DNAH11: variants seen among roughly 807,000 people sequenced by gnomAD.
DNAH11 encodes the protein axonemal beta dynein heavy chain 11.
A neutral mutation model predicts 526.0 loss-of-function variants in DNAH11; 442 were observed. That is an observed-to-expected ratio of 0.84 (90% CI 0.78 to 0.91). The LOEUF is 0.91. Ranked by LOEUF, DNAH11 falls within the 40% of genes least tolerant of loss-of-function variation. The probability of loss-of-function intolerance (pLI) is 0.00; values close to 1 mark genes in which losing one functional copy is unlikely to be tolerated. For synonymous variants in DNAH11, 2,461 were observed against 1,935.9 expected (o/e 1.27, Z -7.12); for missense variants, 6,989 against 5,448.7 (o/e 1.28, Z -8.90).
chr7:21,681,577 T>TGTCG lies in DNAH11; in HGVS notation c.5361_5362insTCGG (p.Leu1788SerfsTer61). ...CAGCTGAATACACTGATTACACTTT[T>TGTCG]GCTGGGAGAACTTCCACCTGGAGAC... On this transcript the variant is annotated frameshift_variant, in exon 31 of 82. Transcript: ENST00000409508. LOFTEE classifies it high-confidence loss of function. 6.2e-7 allele frequency: 1 copy of TGTCG among 1,613,930 alleles called. No individual in the cohort carries two copies. The highest frequency in any genetic ancestry group is 8.5e-7 in the Non-Finnish European group (1 of 1,179,818).
intron 5 of DNAH11, among the ~76,000 whole-genome samples, chr7:21,562,228 G>A (rs987055739): frequency 1.3e-5 from 2 of 151,998 alleles, no homozygotes; most frequent in Non-Finnish European, 2.9e-5. Flanking sequence ...TGTTGTGGGG[G>A]GCCATCTTAC....
intron 68 of DNAH11, among the ~76,000 whole-genome samples, chr7:21,858,759 C>G (rs375631540): frequency 6.6e-6 from 1 of 152,092 alleles, no homozygotes; most frequent in Non-Finnish European, 1.5e-5. Flanking sequence ...AGAACTTTTT[C>G]TGGTAATGTA....
In DNAH11 at chr7:21,601,638, A is replaced by T; in HGVS notation, c.3648+20A>T. 1.3e-6 allele frequency: 2 copies of T among 1,501,138 alleles called. No individual in the cohort carries two copies. The highest frequency in any genetic ancestry group is 1.3e-5 in the South Asian group (1 of 75,258). 93.0% of individuals were successfully genotyped at this position (1,501,138 alleles called of 1,614,324 possible). Reference sequence around the variant, plus strand: ...CTAGAGGTAAGTGCAGAGGTGAAATAATCATAATTACCATAAATTGAGCAT... The same window carrying T: ...CTAGAGGTAAGTGCAGAGGTGAAATTATCATAATTACCATAAATTGAGCAT... On this transcript the variant is annotated intron_variant, in intron 18 of 81. Transcript: ENST00000409508.
At chr7:21,874,657 A>G (rs1783636776) in intron 74 of DNAH11, among the ~76,000 whole-genome samples, 1 of 151,938 alleles carries the variant, frequency 6.6e-6, no homozygotes, top group Non-Finnish European at 1.5e-5. Flanking sequence ...ACATATATAA[A>G]TTAATACATA....
Position 21,842,641 on chromosome 7 carries a change from C to T in DNAH11, c.10789C>T (p.Gln3597Ter), listed in dbSNP as rs1060503063. The change falls in exon 66 of 82, where the codon CAA (glutamine) becomes TAA (stop). Residue 3597 changes from glutamine to a stop codon, truncating the protein, a stop_gained. Transcript: ENST00000409508. LOFTEE classifies it high-confidence loss of function. ...LANPHYKPELQAQTTLLNFTV... is the reference protein window; with the variant it reads ...LANPHYKPEL ...AAATCCTCACTATAAGCCGGAATTACAAGCTCAGACAACTCTCCTCAATTT... is the reference window on the plus strand; with the variant it reads ...AAATCCTCACTATAAGCCGGAATTATAAGCTCAGACAACTCTCCTCAATTT... 2 of 1,613,846 alleles carry T rather than the reference C, an allele frequency of 1.2e-6. No individual in the cohort carries two copies. The highest frequency in any genetic ancestry group is 1.7e-5 in the Admixed American group (1 of 59,998).
At chr7:21,746,702 A>G (rs1458778250) in intron 51 of DNAH11, among the ~76,000 whole-genome samples, 1 of 152,212 alleles carries the variant, frequency 6.6e-6, no homozygotes, top group Admixed American at 6.5e-5. Context: ...CTTAGGCCCT[A>G]GAACCTACAA....
chr7:21,818,374 G>A, intron 65 of DNAH11, 35 bp downstream of exon 65: 1 of 1,587,822 alleles, frequency 6.3e-7, no homozygotes, highest in South Asian at 1.2e-5. Flanking sequence ...TATATATCTT[G>A]CTAAATGATT....
At chr7:21,737,174 C>T (rs960647629) in intron 46 of DNAH11, among the ~76,000 whole-genome samples, 2 of 152,070 alleles carry the variant, frequency 1.3e-5, no homozygotes, top group South Asian at 2.1e-4. Context: ...GATAGAAGGA[C>T]CAGCTTAAGC....
intron 74 of DNAH11, among the ~76,000 whole-genome samples, chr7:21,878,323 G>C (rs7458170): frequency 1.3e-5 from 2 of 152,170 alleles, no homozygotes; most frequent in African/African-American, 4.8e-5. Flanking sequence ...ATAAAGTACA[G>C]ATTGAAGTAA....
At position 21,787,405 on chromosome 7, in the gene DNAH11, A is replaced by G. The variant is rs1014969451; in HGVS notation, c.9746A>G (p.Asp3249Gly). Residue 3249 changes from aspartate (D) to glycine (G), a missense_variant, in exon 60 of 82, where the codon GAT becomes GGT. Coordinates refer to ENST00000409508, the MANE Select transcript of DNAH11 (RefSeq NM_001277115.2). ...ATAAATCTTTTTGCTTTGCAGGTTG[A>G]TGATTTTTTGCAAGCATTAATTAAC... The part of the protein sequence containing the change: ...KAAKVFMGKV[D>G]DFLQALINYD... 6.2e-7 allele frequency: 1 copy of G among 1,600,886 alleles called. No homozygotes were observed. Among genetic ancestry groups the G allele is most frequent in the Non-Finnish European group, 8.5e-7 (1 of 1,174,154 alleles).
chr7:21,761,750 C>G (rs1472000884), intron 54 of DNAH11, among the ~76,000 whole-genome samples: 2 of 152,146 alleles, frequency 1.3e-5, no homozygotes, highest in East Asian at 3.8e-4. Context: ...TGTGAGGATC[C>G]TTATTTAAGC....
chr7:21,785,920 A>G (rs1583692951), intron 58 of DNAH11, among the ~76,000 whole-genome samples: 1 of 152,310 alleles, frequency 6.6e-6, no homozygotes, highest in East Asian at 1.9e-4. Flanking sequence ...CACAGGAAAT[A>G]CCTGGTTGGT....
At position 21,634,140 on chromosome 7, in the gene DNAH11, G is replaced by T. The variant is rs185572372; in HGVS notation, c.4501-1731G>T. On this transcript the variant is annotated intron_variant, in intron 25 of 81. Transcript: ENST00000409508. ...ACATTTAGGAAAAGAAACTGGTTTG[G>T]AGAGATGACACTTATTATTGGTTTA... Among the ~76,000 whole-genome samples the T allele has an allele frequency of 1.7e-3, 265 of 152,296 alleles. 1 individual carries two copies. The highest frequency in any genetic ancestry group is 5.9e-3 in the African/African-American group (247 of 41,552).
intron 2 of DNAH11, among the ~76,000 whole-genome samples, chr7:21,551,509 A>C (rs1260877611): frequency 1.3e-5 from 2 of 152,186 alleles, no homozygotes; most frequent in African/African-American, 4.8e-5. Context: ...GCATATTTAG[A>C]ATCAGTATAT....
intron 42 of DNAH11, among the ~76,000 whole-genome samples, chr7:21,716,727 A>G (rs1379584769): frequency 6.6e-6 from 1 of 152,158 alleles, no homozygotes; most frequent in African/African-American, 2.4e-5. Context: ...CACTGTCGCT[A>G]CCACACAGGG....
chr7:21,596,823 A>G (rs529505082), intron 14 of DNAH11, among the ~76,000 whole-genome samples: 22 of 152,334 alleles, frequency 1.4e-4, no homozygotes, highest in African/African-American at 5.1e-4. Flanking sequence ...CAATCCAAGA[A>G]TGGAAGAGAG....
At chr7:21,786,509 C>G (rs1788200110) in intron 58 of DNAH11, 115 bp from the exon 59 acceptor site, 3 of 1,335,042 alleles carry the variant, frequency 2.2e-6, no homozygotes, top group Non-Finnish European at 2.0e-6. Flanking sequence ...CAAATTGAGA[C>G]TGGTTTGATA....
At position 21,652,603 on chromosome 7, in the gene DNAH11, C is replaced by T. The variant is rs146747382; in HGVS notation, c.4945-3229C>T. Among the ~76,000 whole-genome samples the T allele has an allele frequency of 8.5e-5, 13 of 152,242 alleles. No individual in the cohort carries two copies. In the East Asian group the frequency reaches 1.5e-3, roughly 18 times the overall value. The stretch of plus-strand genomic sequence containing the variant: ...AGTGAGAAGCTTTAATGTTTTGACA[C>T]AAATTTGTAAAGGTCATTGTCCCAT... On this transcript the variant is annotated intron_variant, in intron 28 of 81. Coordinates refer to ENST00000409508, the MANE Select transcript of DNAH11 (RefSeq NM_001277115.2).
intron 68 of DNAH11, among the ~76,000 whole-genome samples, chr7:21,860,858 T>G (rs550178547): frequency 6.6e-6 from 1 of 152,160 alleles, no homozygotes; most frequent in Non-Finnish European, 1.5e-5. Context: ...CGAAAGGCAC[T>G]TCTTACATGG....
Sources: gnomAD v4.1 joint callset for allele counts (sites outside exome capture counted in the v4.1 genomes callset) on GRCh38, gnomAD v4.1.1 for gene constraint, MANE v1.5 for transcripts, NCBI Gene and HGNC (gene_info 2026-07-23, HGNC 2026-07-21) for gene names.